UBE2F: variants seen among roughly 807,000 people sequenced by gnomAD.
UBE2F encodes ubiquitin conjugating enzyme E2 F (putative), also known as NEDD8-conjugating enzyme UBE2F.
In UBE2F, 5 loss-of-function variants were observed where a neutral mutation model predicts 29.6. The observed-to-expected ratio is 0.17, with a 90% CI of 0.09 to 0.36. The LOEUF (loss-of-function observed/expected upper bound fraction) is 0.36, where lower values mean the gene tolerates loss of function less well. Among genes scored for constraint, UBE2F ranks in the 10% least tolerant of loss-of-function variants. UBE2F has a pLI of 1.00. For synonymous variants in UBE2F, 66 were observed against 81.8 expected (o/e 0.81, Z 1.04); for missense variants, 141 against 228.5 (o/e 0.62, Z 2.47).
At chr2:237,975,172 G>T (rs1053438430) in intron 2 of UBE2F, among the ~76,000 whole-genome samples, 1 of 151,964 alleles carries the variant, frequency 6.6e-6, no homozygotes, top group Non-Finnish European at 1.5e-5. Context: ...CGTAATCATG[G>T]CTCACTGCAG....
At chr2:237,986,062 T>C (rs2063475627) in intron 2 of UBE2F, 1 of 272,306 alleles carries the variant, frequency 3.7e-6, no homozygotes, top group African/African-American at 2.3e-5. Context: ...GATTTCCTTA[T>C]ATATTTTAGA....
At chr2:237,993,647 A>T (rs2063632622) in intron 3 of UBE2F, among the ~76,000 whole-genome samples, 1 of 152,162 alleles carries the variant, frequency 6.6e-6, no homozygotes. Flanking sequence ...TTGGAGGCAG[A>T]GGTTGCGGTG....
intron 8 of UBE2F, 123 bp downstream of exon 8, chr2:238,032,377 G>T (rs1457198822): frequency 9.6e-6 from 8 of 834,558 alleles, no homozygotes; most frequent in Non-Finnish European, 1.6e-5. Context: ...ACTGGGCACA[G>T]TGGCTCACGC....
chr2:238,027,328 C>T (rs1461733809), intron 6 of UBE2F, among the ~76,000 whole-genome samples: 2 of 152,196 alleles, frequency 1.3e-5, no homozygotes, highest in East Asian at 3.8e-4. Context: ...AAAAATGTGG[C>T]ATTGGCTACA....
At chr2:237,973,801 C>T (rs571539406) in intron 2 of UBE2F, 17 of 758,496 alleles carry the variant, frequency 2.2e-5, no homozygotes, top group Non-Finnish European at 2.8e-5. Flanking sequence ...TGAGAGTATG[C>T]GTGCATGCAG....
rs57180067 is a variant in UBE2F at position 237,991,609 on chromosome 2, C to CTTTCTTTTTTTTTTTTTTTTTTT, written c.149-3132_149-3131insCTTTTTTTTTTTTTTTTTTTTTT. 1.2e-3 allele frequency among the ~76,000 whole-genome samples: 63 copies of CTTTCTTTTTTTTTTTTTTTTTTT among 53,050 alleles called. 7 individuals are homozygous for CTTTCTTTTTTTTTTTTTTTTTTT. The highest frequency in any genetic ancestry group is 2.7e-3 in the East Asian group (3 of 1,102). The allele number at this position is 53,050 out of a possible 152,430, so 34.8% of individuals were successfully genotyped here. On this transcript the variant is annotated intron_variant, in intron 3 of 9. Coordinates refer to ENST00000272930, the MANE Select transcript of UBE2F (RefSeq NM_080678.3). ...AACCTTTCTTTTCTTTTCTTTCTTT[C>CTTTCTTTTTTTTTTTTTTTTTTT]TTTTTTTTTTTTTGAGACAGTCTTG... is the stretch of plus-strand genomic sequence containing the variant.
intron 5 of UBE2F, among the ~76,000 whole-genome samples, chr2:238,019,612 C>T (rs986709375): frequency 5.4e-5 from 8 of 148,284 alleles, no homozygotes; most frequent in South Asian, 2.1e-4. Context: ...GTGATCTGCC[C>T]GCCACGGCCT....
At chr2:238,038,492 C>A (rs922403590) in intron 9 of UBE2F, among the ~76,000 whole-genome samples, 5 of 152,220 alleles carry the variant, frequency 3.3e-5, no homozygotes, top group Non-Finnish European at 7.3e-5. Flanking sequence ...TGGCGGCACT[C>A]CTGTCTGCTG....
intron 4 of UBE2F, among the ~76,000 whole-genome samples, chr2:237,997,154 G>T (rs566878404): frequency 1.3e-5 from 2 of 152,146 alleles, no homozygotes; most frequent in African/African-American, 4.8e-5. Flanking sequence ...TTGAACCCAG[G>T]GGGTGGAGGT....
intron 4 of UBE2F, among the ~76,000 whole-genome samples, chr2:237,998,612 CTTT>C (rs34852748): frequency 4.3e-5 from 6 of 140,242 alleles, no homozygotes; most frequent in African/African-American, 5.2e-5. Flanking sequence ...CTGCCGTGAG[CTTT>C]TTTTTTTTTT....
intron 4 of UBE2F, among the ~76,000 whole-genome samples, chr2:237,999,348 C>T (rs1359819672): frequency 6.6e-6 from 1 of 152,116 alleles, no homozygotes; most frequent in Non-Finnish European, 1.5e-5. Flanking sequence ...GAGATTACTG[C>T]CATGAGCCAC....
intron 2 of UBE2F, among the ~76,000 whole-genome samples, chr2:237,978,853 G>T (rs1045809824): frequency 1.3e-5 from 2 of 152,200 alleles, no homozygotes; most frequent in Non-Finnish European, 2.9e-5. Context: ...ACCTCTGTGT[G>T]ACTGAGTCCA....
chr2:238,016,513 C>T, intron 4 of UBE2F, 53 bp from the exon 5 acceptor site: 3 of 1,293,700 alleles, frequency 2.3e-6, no homozygotes, highest in Non-Finnish European at 3.2e-6. Context: ...TTTTTGTTTC[C>T]TTTTTTTTTT....
At chr2:238,039,404 G>T (rs1029620921) in intron 9 of UBE2F, among the ~76,000 whole-genome samples, 1 of 152,194 alleles carries the variant, frequency 6.6e-6, no homozygotes, top group African/African-American at 2.4e-5. Context: ...TGGAGCTCAG[G>T]GCAGAGAAAA....
chr2:237,977,410 C>A (rs2063304038), intron 2 of UBE2F, among the ~76,000 whole-genome samples: 1 of 152,186 alleles, frequency 6.6e-6, no homozygotes, highest in Non-Finnish European at 1.5e-5. Flanking sequence ...GGGCTGCAGG[C>A]CAGGCTGAGT....
At chr2:238,039,327 GGT>G in intron 9 of UBE2F, among the ~76,000 whole-genome samples, 1 of 152,242 alleles carries the variant, frequency 6.6e-6, no homozygotes, top group African/African-American at 2.4e-5. Flanking sequence ...AGGGCCGGGT[GGT>G]GAGAGAGGAG....
At chr2:238,030,530 A>G in intron 6 of UBE2F, 26 bp from the exon 7 acceptor site, 1 of 1,602,408 alleles carries the variant, frequency 6.2e-7, no homozygotes, top group Non-Finnish European at 8.5e-7. Context: ...GCTCCTCACT[A>G]ACCACTGTGT....
Position 238,034,238 on chromosome 2 carries a change from A to C in UBE2F, c.445-1640A>C, listed in dbSNP as rs569945811. Among the ~76,000 whole-genome samples, 7 of 151,904 alleles carry C rather than the reference A, an allele frequency of 4.6e-5. No homozygotes were observed. In the East Asian group the frequency reaches 1.4e-3, roughly 29 times the overall value. On this transcript the variant is annotated intron_variant, in intron 8 of 9. Transcript: ENST00000272930. ...GGTCAGAAATTGGAGACCAGCCTAG[A>C]CAATATGGTGAAATCTCACCTCTAC...
intron 3 of UBE2F, among the ~76,000 whole-genome samples, chr2:237,989,849 T>G (rs1226579502): frequency 6.6e-6 from 1 of 151,540 alleles, no homozygotes; most frequent in East Asian, 2.0e-4. Context: ...CTGGGTGCAG[T>G]GGCTCACGCC....
Sources: gnomAD v4.1 joint callset for allele counts (sites outside exome capture counted in the v4.1 genomes callset) on GRCh38, gnomAD v4.1.1 for gene constraint, MANE v1.5 for transcripts, NCBI Gene and HGNC (gene_info 2026-07-23, HGNC 2026-07-21) for gene names.